The following GIGYF1 variants were observed in gnomAD, a reference collection of about 807,000 sequenced individuals.
GIGYF1 encodes the protein GRB10-interacting GYF protein 1.
Under a neutral mutation model 147.1 loss-of-function variants are expected in GIGYF1, and 84 were observed. That is an observed-to-expected ratio of 0.57 (90% CI 0.48 to 0.68). GIGYF1 has a LOEUF of 0.68. Among genes scored for constraint, GIGYF1 ranks in the 30% least tolerant of loss-of-function variants. The pLI, the probability that GIGYF1 is intolerant of heterozygous loss-of-function variation, is 0.00. For synonymous variants in GIGYF1, 752 were observed against 589.5 expected (o/e 1.28, Z -3.99); for missense variants, 1,485 against 1,393.7 (o/e 1.07, Z -1.04).
At position 100,683,531 on chromosome 7, in the gene GIGYF1, C is replaced by T. The variant is rs1362207628; in HGVS notation, c.2052+19G>A. 1.9e-5 allele frequency: 31 copies of T among 1,613,514 alleles called. No individual in the cohort carries two copies. The African/African-American group carries it at 2.3e-4, about 12-fold the overall frequency. The stretch of plus-strand genomic sequence containing the variant: ...CCACCCTTCATTCCCAGGGCCTCAG[C>T]CCCAGGATGCCCACTCACTTTATGT... On this transcript the variant is annotated intron_variant, in intron 20 of 26. Coordinates refer to ENST00000678049, the MANE Select transcript of GIGYF1 (RefSeq NM_001375765.1).
In GIGYF1 at chr7:100,680,931, A is replaced by G. The variant is rs221791; in HGVS notation, c.*788T>C. On this transcript the variant is annotated 3_prime_UTR_variant, in exon 27 of 27. Coordinates refer to ENST00000678049, the MANE Select transcript of GIGYF1 (RefSeq NM_001375765.1). Reference sequence around the variant, plus strand: ...GCAGTGGGAGACGCCCCTCACCAGAACCAGAGTCCTGCTGCCCCACCCTGC... The same window carrying G: ...GCAGTGGGAGACGCCCCTCACCAGAGCCAGAGTCCTGCTGCCCCACCCTGC... 0.99 allele frequency: 150,720 copies of G among 152,838 alleles called. 74,323 individuals are homozygous for G. The highest frequency in any genetic ancestry group is 1 in the Middle Eastern group (296 of 296). The allele number at this position is 152,838 out of a possible 1,614,324, so 9.5% of individuals were successfully genotyped here.
rs757403284 is a variant in GIGYF1, at chr7:100,685,432, G to A, written c.1104C>T (p.Ser368=). 1 of 1,589,178 alleles carries A rather than the reference G, an allele frequency of 6.3e-7. No homozygotes were observed. The highest frequency in any genetic ancestry group is 8.5e-7 in the Non-Finnish European group (1 of 1,174,150). ...PLPPQEEKSS[S]PSPLPTLGPL... is the part of the protein sequence containing the mutation. ...GGCCCAGGGTGGGCAGTGGGGATGG[G>A]GAGCTGGACTTCTCCTCCTGAGGAG... The change falls in exon 13 of 27, where the codon TCC becomes TCT. Residue 368 remains serine (S), a synonymous_variant. Coordinates refer to ENST00000678049, the MANE Select transcript of GIGYF1 (RefSeq NM_001375765.1).
At position 100,686,011 on chromosome 7, in the gene GIGYF1, T is replaced by C; in HGVS notation, c.1017A>G (p.Glu339=). The C allele has an allele frequency of 6.2e-7, 1 of 1,612,552 alleles. No homozygotes were observed. Among genetic ancestry groups the C allele is most frequent in the Non-Finnish European group, 8.5e-7 (1 of 1,179,856 alleles). Reference sequence around the variant, plus strand: ...CTTCCTCCTCTAGCCCTTCGGAAGGTTCCTCCTCCTCCTCCAACCCTTGGA... The same window carrying C: ...CTTCCTCCTCTAGCCCTTCGGAAGGCTCCTCCTCCTCCTCCAACCCTTGGA... ...LDFQGLEEEE[E]PSEGLEEEGP... The change falls in exon 12 of 27, where the codon GAA becomes GAG. Residue 339 remains glutamate (E), a synonymous_variant. Coordinates refer to ENST00000678049, the MANE Select transcript of GIGYF1 (RefSeq NM_001375765.1).
rs1369847625 is a variant in GIGYF1, at chr7:100,679,705, G to A, written c.*2014C>T. 6.5e-6 allele frequency: 1 copy of A among 152,786 alleles called. No homozygotes were observed. Among genetic ancestry groups the A allele is most frequent in the Non-Finnish European group, 1.5e-5 (1 of 68,252 alleles). The allele number at this position is 152,786 out of a possible 1,614,324, so 9.5% of individuals were successfully genotyped here. On this transcript the variant is annotated 3_prime_UTR_variant, in exon 27 of 27. Coordinates refer to ENST00000678049, the MANE Select transcript of GIGYF1 (RefSeq NM_001375765.1). ...AGGGCCCAGGAAGACCGGGGCCGGG[G>A]AAGGACAGCAACAGGGTCTGAGTCC...
chr7:100,680,429 C>G lies in GIGYF1; in HGVS notation c.*1290G>C, dbSNP rs975500239. The G allele has an allele frequency of 2.0e-5, 3 of 152,550 alleles. No homozygotes were observed. The highest frequency in any genetic ancestry group is 7.2e-5 in the African/African-American group (3 of 41,436). 9.4% of individuals were successfully genotyped at this position (152,550 alleles called of 1,614,324 possible). A position where few individuals can be genotyped will look rare whatever the true frequency, so the allele number is the denominator to read the frequency against. ...GCGGAGACGAACCCAAGTAGGGGAC[C>G]GGGAATAAGAAGTGGGTGAGCAATA... On this transcript the variant is annotated 3_prime_UTR_variant, in exon 27 of 27. Coordinates refer to ENST00000678049, the MANE Select transcript of GIGYF1 (RefSeq NM_001375765.1).
At position 100,682,123 on chromosome 7, in the gene GIGYF1, G is replaced by A. The variant is rs140885809; in HGVS notation, c.2874C>T (p.Phe958=). 2.8e-4 allele frequency: 446 copies of A among 1,613,990 alleles called. No homozygotes were observed. Among genetic ancestry groups the A allele is most frequent in the Non-Finnish European group, 3.6e-4 (421 of 1,179,950 alleles). The part of the protein sequence containing the change: ...TLEAKEFAKQ[F]LERRAKQKAS... Reference sequence around the variant, plus strand: ...CTTTCTGCTTGGCCCTCCGCTCCAGGAATTGTTTGGCAAATTCTTTGGCTT... The same window carrying A: ...CTTTCTGCTTGGCCCTCCGCTCCAGAAATTGTTTGGCAAATTCTTTGGCTT... Residue 958 remains phenylalanine, a synonymous_variant, in exon 25 of 27, where the codon TTC becomes TTT. Transcript: ENST00000678049.
rs1158395294 is a variant in GIGYF1, at chr7:100,689,520, G to A, written c.-1063C>T. 6.5e-6 allele frequency: 1 copy of A among 152,758 alleles called. No homozygotes were observed. The highest frequency in any genetic ancestry group is 1.5e-5 in the Non-Finnish European group (1 of 68,530). 9.5% of individuals were successfully genotyped at this position (152,758 alleles called of 1,614,324 possible). ...CTGGGAGGGAGGCTGGCCCGGCTTG[G>A]TGCTGCAGCTCCCATCAACTCCAGG... On this transcript the variant is annotated 5_prime_UTR_variant, in exon 2 of 27. Coordinates refer to ENST00000678049, the MANE Select transcript of GIGYF1 (RefSeq NM_001375765.1).
chr7:100,684,110 T>TC lies in GIGYF1; in HGVS notation c.1777dup (p.Asp593GlyfsTer67). On this transcript the variant is annotated frameshift_variant, in exon 18 of 27. Coordinates refer to ENST00000678049, the MANE Select transcript of GIGYF1 (RefSeq NM_001375765.1). LOFTEE classifies it high-confidence loss of function. ...CGGCGGCGGTGGTGGCGGTGTCAGG[T>TC]CCCCCAGAGCTGCCTTTTCTCGGAG... is the stretch of plus-strand genomic sequence containing the variant. 1 of 1,606,882 alleles carries TC rather than the reference T, an allele frequency of 6.2e-7. No homozygotes were observed. The highest frequency in any genetic ancestry group is 8.5e-7 in the Non-Finnish European group (1 of 1,179,462).
At position 100,684,174 on chromosome 7, in the gene GIGYF1, G is replaced by A. The variant is rs769209000; in HGVS notation, c.1731-17C>T. 92 of 1,609,244 alleles carry A rather than the reference G, an allele frequency of 5.7e-5. 1 individual carries two copies. The South Asian group carries it at 9.5e-4, about 17-fold the overall frequency. On this transcript the variant is annotated splice_polypyrimidine_tract_variant and intron_variant, in intron 17 of 26. Coordinates refer to ENST00000678049, the MANE Select transcript of GIGYF1 (RefSeq NM_001375765.1). ...AGCTGGCGGCTGCAAATGGGACAGT[G>A]GAGATGGTGGGCCACAGAGCCAGCG...
In GIGYF1 at chr7:100,687,616, T is replaced by C; in HGVS notation, c.262A>G (p.Arg88Gly). 1 of 1,609,368 alleles carries C rather than the reference T, an allele frequency of 6.2e-7. No individual in the cohort carries two copies. Among genetic ancestry groups the C allele is most frequent in the Non-Finnish European group, 8.5e-7 (1 of 1,178,358 alleles). Residue 88 changes from arginine (R) to glycine (G), a missense_variant and splice_region_variant, in exon 7 of 27, where the codon AGA becomes GGA. Arg to Gly is a moderately radical substitution (Grantham distance 125). Transcript: ENST00000678049. ...CTGTTCACTGACAGGGAGAAGTTTCTCTGAGGAGGGAGCCAGGGGCGGGAG... is the reference window on the plus strand; with the variant it reads ...CTGTTCACTGACAGGGAGAAGTTTCCCTGAGGAGGGAGCCAGGGGCGGGAG... ...ALEPLTEEEQ[R>G]NFSLSVNSVA...
Position 100,681,441 on chromosome 7 carries a change from T to G in GIGYF1, c.*278A>C. On this transcript the variant is annotated 3_prime_UTR_variant, in exon 27 of 27. Transcript: ENST00000678049. ...ACTATCCTCACAGCAGGAAGGGGTG[T>G]TTAGAGTCTAGTTTTTAACAATATT... 2 of 313,254 alleles carry G rather than the reference T, an allele frequency of 6.4e-6. No homozygotes were observed. The highest frequency in any genetic ancestry group is 1.2e-5 in the Non-Finnish European group (2 of 172,236). 19.4% of individuals were successfully genotyped at this position (313,254 alleles called of 1,614,324 possible). A position where few individuals can be genotyped will look rare whatever the true frequency, so the allele number is the denominator to read the frequency against.
Position 100,683,339 on chromosome 7 carries a change from G to A in GIGYF1, c.2158C>T (p.Arg720Trp), listed in dbSNP as rs749007990. The part of the protein sequence containing the change: ...RQQQQEEQKR[R>W]QEEEELFRRK... ...CGAAACAGCTCTTCCTCCTCCTGCC[G>A]CCGCTTCTGCTCCTCCTGCTGCTGC... Residue 720 changes from arginine (R) to tryptophan (W), a missense_variant, in exon 21 of 27, where the codon CGG becomes TGG. Arg to Trp is a moderately radical substitution (Grantham distance 101, BLOSUM62 -3). Transcript: ENST00000678049. The A allele has an allele frequency of 1.1e-5, 18 of 1,613,588 alleles. No homozygotes were observed. The highest frequency in any genetic ancestry group is 2.7e-5 in the African/African-American group (2 of 74,946).
Position 100,688,603 on chromosome 7 carries a change from G to A in GIGYF1, c.-146C>T. ...GGCCCGGGGCTCACCTGGCAGCCTG[G>A]CCCGGGAAGAAGGAGGGCAGGGGCT... On this transcript the variant is annotated 5_prime_UTR_variant, in exon 2 of 27. Coordinates refer to ENST00000678049, the MANE Select transcript of GIGYF1 (RefSeq NM_001375765.1). 5.8e-6 allele frequency: 3 copies of A among 515,220 alleles called. No individual in the cohort carries two copies. Among genetic ancestry groups the A allele is most frequent in the Admixed American group, 4.6e-5 (2 of 43,644 alleles). 31.9% of individuals were successfully genotyped at this position (515,220 alleles called of 1,614,324 possible).
Position 100,684,824 on chromosome 7 carries a change from T to G in GIGYF1, c.1361A>C (p.Gln454Pro). ...LEEEQFTAAM[Q>P]TQGLRHSAAA... Reference sequence around the variant, plus strand: ...TGCAGAGTGGCGCAGGCCCTGGGTCTGCATGGCAGCCGTGAACTGCTCCTC... The same window carrying G: ...TGCAGAGTGGCGCAGGCCCTGGGTCGGCATGGCAGCCGTGAACTGCTCCTC... Residue 454 changes from glutamine to proline, a missense_variant, in exon 15 of 27, where the codon CAG (glutamine) becomes CCG (proline). Physicochemically the swap from Gln to Pro is moderately conservative, Grantham distance 76. Coordinates refer to ENST00000678049, the MANE Select transcript of GIGYF1 (RefSeq NM_001375765.1). 4 of 1,609,264 alleles carry G rather than the reference T, an allele frequency of 2.5e-6. No individual in the cohort carries two copies. Among genetic ancestry groups the G allele is most frequent in the Non-Finnish European group, 3.4e-6 (4 of 1,177,720 alleles).
At chr7:100,692,481 G>A (rs1805902461) in intron 1 of GIGYF1, among the ~76,000 whole-genome samples, 1 of 152,182 alleles carries the variant, frequency 6.6e-6, no homozygotes, top group East Asian at 1.9e-4. Context: ...AAACTCGCAA[G>A]CATTATTCTG....
Position 100,688,280 on chromosome 7 carries a change from G to A in GIGYF1, c.-42C>T, listed in dbSNP as rs1285715325. The A allele has an allele frequency of 4.7e-6, 6 of 1,287,332 alleles. No individual in the cohort carries two copies. In the African/African-American group the frequency reaches 7.2e-5, roughly 15 times the overall value. 79.7% of individuals were successfully genotyped at this position (1,287,332 alleles called of 1,614,324 possible). A position where few individuals can be genotyped will look rare whatever the true frequency, so the allele number is the denominator to read the frequency against. On this transcript the variant is annotated 5_prime_UTR_variant, in exon 4 of 27. Coordinates refer to ENST00000678049, the MANE Select transcript of GIGYF1 (RefSeq NM_001375765.1). ...TTTGAGAGGCCGGGGGTGGGGAGGA[G>A]GGGACCTGGCGTTCACTGTCCAAAC...
chr7:100,693,141 A>G (rs1218589558), intron 1 of GIGYF1, among the ~76,000 whole-genome samples: 1 of 152,166 alleles, frequency 6.6e-6, no homozygotes, highest in Non-Finnish European at 1.5e-5. Flanking sequence ...GCTGGAAAAA[A>G]AAAATCCAAT....
intron 6 of GIGYF1, 77 bp downstream of exon 6, chr7:100,687,711 T>C: frequency 8.3e-7 from 1 of 1,204,100 alleles, no homozygotes; most frequent in Non-Finnish European, 1.2e-6. Flanking sequence ...TCCTCAGCGC[T>C]GGCCCCTCTC....
intron 12 of GIGYF1, 51 bp from the exon 13 acceptor site, chr7:100,685,532 G>A (rs201041807): frequency 8.6e-5 from 136 of 1,577,904 alleles, no homozygotes; most frequent in Admixed American, 5.8e-4. Context: ...GGCCTGCCAC[G>A]CGAGTTAGCA....
Sources: allele counts gnomAD v4.1 joint callset (sites outside exome capture counted in the v4.1 genomes callset), GRCh38; gene constraint gnomAD v4.1.1; transcripts MANE v1.5; gene names NCBI Gene and HGNC (gene_info 2026-07-23, HGNC 2026-07-21).